The following PCDH11Y variants were observed in gnomAD, a reference collection of about 807,000 sequenced individuals.
PCDH11Y encodes protocadherin 11 Y-linked.
For missense variants in PCDH11Y, 12 were observed against 224.8 expected, an observed-to-expected ratio of 0.05 and a Z score of 6.05; for synonymous variants, 9 against 83.6, an observed-to-expected ratio of 0.11 and a Z score of 4.87.
At chrY:5,302,018 C>T (rs2053083035) in intron 2 of PCDH11Y, among the ~76,000 whole-genome samples, 53 of 30,088 alleles carry the variant, frequency 1.8e-3, no homozygotes, top group African/African-American at 6.6e-3. Context: ...CTTCAGTTTG[C>T]TTTAATGTAG....
chrY:5,657,012 C>T (rs2053537141), intron 4 of PCDH11Y, among the ~76,000 whole-genome samples: 3 of 33,474 alleles, frequency 9.0e-5, no homozygotes, highest in Non-Finnish European at 1.5e-4. Flanking sequence ...TTTATTTTTC[C>T]GATAATTAAC....
intron 4 of PCDH11Y, among the ~76,000 whole-genome samples, chrY:5,633,967 T>C (rs2053514873): frequency 3.3e-5 from 1 of 30,194 alleles, no homozygotes; most frequent in Non-Finnish European, 8.0e-5. Flanking sequence ...GTAATCCCAG[T>C]ACCTTGGGAG....
chrY:5,471,986 G>A, intron 2 of PCDH11Y, among the ~76,000 whole-genome samples: 1 of 31,926 alleles, frequency 3.1e-5, no homozygotes, highest in African/African-American at 1.2e-4. Context: ...CTCGAAATTG[G>A]TCCTATCTAA....
intron 3 of PCDH11Y, among the ~76,000 whole-genome samples, chrY:5,527,141 C>G: frequency 3.0e-5 from 1 of 32,843 alleles, no homozygotes; most frequent in Non-Finnish European, 7.5e-5. Context: ...CGTAGACTGT[C>G]CAGAACCATC....
At chrY:5,030,624 G>C (rs1602840761) in intron 1 of PCDH11Y, among the ~76,000 whole-genome samples, 20 of 32,972 alleles carry the variant, frequency 6.1e-4, no homozygotes, top group African/African-American at 2.4e-3. Flanking sequence ...TACCCACATT[G>C]CAGATTAAAC....
At chrY:5,044,771 C>T in intron 3 of PCDH11Y, among the ~76,000 whole-genome samples, 1 of 32,624 alleles carries the variant, frequency 3.1e-5, no homozygotes, top group African/African-American at 1.2e-4. Flanking sequence ...CCACTCAGGA[C>T]TTGCTTTATG....
intron 2 of PCDH11Y, among the ~76,000 whole-genome samples, chrY:5,239,337 A>G: frequency 3.0e-5 from 1 of 33,234 alleles, no homozygotes; most frequent in Admixed American, 2.8e-4. Flanking sequence ...AAAAATCCAA[A>G]CACTGCATGT....
At chrY:5,372,868 T>TC (rs2053189521) in intron 2 of PCDH11Y, among the ~76,000 whole-genome samples, 1 of 577 alleles carries the variant, frequency 1.7e-3, no homozygotes, top group African/African-American at 0.043. Context: ...TTCCTTCCCT[T>TC]CCTTCCTTCC....
intron 4 of PCDH11Y, among the ~76,000 whole-genome samples, chrY:5,584,028 C>T: frequency 3.2e-5 from 1 of 31,177 alleles, no homozygotes; most frequent in Non-Finnish European, 7.8e-5. Context: ...AAACACTTTT[C>T]GTTTTTTCCC....
At chrY:5,160,081 A>AT (rs2052873343) in intron 2 of PCDH11Y, among the ~76,000 whole-genome samples, 2 of 28,433 alleles carry the variant, frequency 7.0e-5, no homozygotes, top group Admixed American at 3.8e-4. Flanking sequence ...ATAATATAAT[A>AT]TAGTTGAGAA....
intron 4 of PCDH11Y, among the ~76,000 whole-genome samples, chrY:5,602,743 T>C (rs2053473875): frequency 3.3e-5 from 1 of 30,323 alleles, no homozygotes; most frequent in South Asian, 7.3e-4. Context: ...CTCTCTTCTG[T>C]TCTTACCATC....
At chrY:5,297,027 A>G (rs2053075539) in intron 2 of PCDH11Y, among the ~76,000 whole-genome samples, 2 of 32,830 alleles carry the variant, frequency 6.1e-5, no homozygotes, top group Admixed American at 2.8e-4. Flanking sequence ...TTCGTGTAGT[A>G]CCTGGGTATC....
chrY:5,373,866 T>A, intron 2 of PCDH11Y, among the ~76,000 whole-genome samples: 2 of 32,340 alleles, frequency 6.2e-5, no homozygotes, highest in South Asian at 6.9e-4. Flanking sequence ...TTTGTTTAGA[T>A]AATTAATGCT....
intron 3 of PCDH11Y, among the ~76,000 whole-genome samples, chrY:5,525,322 G>A: frequency 5.8e-5 from 1 of 17,218 alleles, no homozygotes; most frequent in African/African-American, 2.4e-4. Flanking sequence ...CAGCAGCAGC[G>A]GAGGAGGAGG....
chrY:5,355,829 C>T (rs2053165348), intron 2 of PCDH11Y, among the ~76,000 whole-genome samples: 1 of 33,634 alleles, frequency 3.0e-5, no homozygotes, highest in Non-Finnish European at 7.3e-5. Flanking sequence ...TTGATATTTA[C>T]TTAGCTTAAA....
downstream of PCDH11Y, among the ~76,000 whole-genome samples, chrY:5,108,903 G>T (rs2052800175): frequency 6.3e-5 from 2 of 31,550 alleles, no homozygotes; most frequent in East Asian, 1.6e-3. Flanking sequence ...TTTGTCACCT[G>T]CACTCCTCAC....
At chrY:5,731,899 T>A in intron 4 of PCDH11Y, among the ~76,000 whole-genome samples, 1 of 32,402 alleles carries the variant, frequency 3.1e-5, no homozygotes, top group Non-Finnish European at 7.6e-5. Context: ...CATTATGTAA[T>A]ACCCTTCTTT....
intron 2 of PCDH11Y, among the ~76,000 whole-genome samples, chrY:5,273,188 G>A: frequency 2.9e-5 from 1 of 34,100 alleles, no homozygotes; most frequent in Non-Finnish European, 7.3e-5. Flanking sequence ...TTAGAGGAAA[G>A]TAACACTCTT....
intron 2 of PCDH11Y, among the ~76,000 whole-genome samples, chrY:5,212,192 T>C (rs2052939434): frequency 3.0e-5 from 1 of 33,107 alleles, no homozygotes; most frequent in Admixed American, 2.8e-4. Flanking sequence ...AAATGCTTCA[T>C]ACATAATTTG....
Sources: allele counts gnomAD v4.1 joint callset (sites outside exome capture counted in the v4.1 genomes callset), GRCh38; gene constraint gnomAD v4.1.1; transcripts MANE v1.5; gene names NCBI Gene and HGNC (gene_info 2026-07-23, HGNC 2026-07-21).